The following TMC6 variants were observed in gnomAD, a reference collection of about 807,000 sequenced individuals.
TMC6 encodes the protein transmembrane channel like 6.
A neutral mutation model predicts 95.4 loss-of-function variants in TMC6; 71 were observed. The ratio of observed to expected loss-of-function variants is 0.74; its 90% CI spans 0.61 to 0.91. The LOEUF (loss-of-function observed/expected upper bound fraction) is 0.91, where lower values mean the gene tolerates loss of function less well. Among genes scored for constraint, TMC6 ranks in the 40% least tolerant of loss-of-function variants. The probability of loss-of-function intolerance (pLI) is 0.00; values close to 1 mark genes in which losing one functional copy is unlikely to be tolerated. For synonymous variants in TMC6, 514 were observed against 483.1 expected (o/e 1.06, Z -0.84); for missense variants, 1,074 against 1,079.1 (o/e 1.00, Z 0.07).
intron 18 of TMC6, among the ~76,000 whole-genome samples, chr17:78,116,547 A>G (rs941769792): frequency 3.3e-5 from 5 of 151,976 alleles, no homozygotes; most frequent in Admixed American, 2.0e-4. Flanking sequence ...CATTGGGACT[A>G]TAGGCATGAG....
Position 78,108,258 on chromosome 17 carries a change from C to G in TMC6, c.*4890G>C, listed in dbSNP as rs1025127669. 1.6e-4 allele frequency: 24 copies of G among 154,428 alleles called. No homozygotes were observed. The highest frequency in any genetic ancestry group is 4.8e-4 in the African/African-American group (20 of 41,528). 9.6% of individuals were successfully genotyped at this position (154,428 alleles called of 1,614,324 possible). On this transcript the variant is annotated 3_prime_UTR_variant, in exon 20 of 20. Transcript: ENST00000590602. Reference sequence around the variant, plus strand: ...CACCCCCGCCACAGGCTGGCCCCCCCCCACCCATGGGGAAGGTGGTGTGCT... The same window carrying G: ...CACCCCCGCCACAGGCTGGCCCCCCGCCACCCATGGGGAAGGTGGTGTGCT...
intron 3 of TMC6, 34 bp from the exon 4 acceptor site, chr17:78,126,400 G>A: frequency 6.2e-7 from 1 of 1,602,062 alleles, no homozygotes; most frequent in Non-Finnish European, 8.5e-7. Context: ...AGGGGTCCTG[G>A]AGATGCCATT....
intron 8 of TMC6, 75 bp from the exon 9 acceptor site, chr17:78,124,254 G>A: frequency 1.9e-6 from 3 of 1,574,326 alleles, no homozygotes; most frequent in Non-Finnish European, 2.6e-6. Context: ...ACAGCCACAG[G>A]GGCAGAGCAG....
At position 78,109,340 on chromosome 17, in the gene TMC6, TC is replaced by T. The variant is rs1189806723; in HGVS notation, c.*3807del. ...GAAGATCCTCTGCAGGAGTGCGGTGTCTACGGATGGACCAAGAAAACCTACG... is the reference window on the plus strand; with the variant it reads ...GAAGATCCTCTGCAGGAGTGCGGTGTTACGGATGGACCAAGAAAACCTACG... On this transcript the variant is annotated 3_prime_UTR_variant, in exon 20 of 20. Transcript: ENST00000590602. The T allele has an allele frequency of 1.2e-5, 5 of 416,300 alleles. No individual in the cohort carries two copies. Among genetic ancestry groups the T allele is most frequent in the Non-Finnish European group, 2.4e-5 (5 of 205,998 alleles). 25.8% of individuals were successfully genotyped at this position (416,300 alleles called of 1,614,324 possible).
In TMC6 at chr17:78,122,856, A is replaced by G; in HGVS notation, c.1083-107T>C. On this transcript the variant is annotated intron_variant, in intron 9 of 19. Coordinates refer to ENST00000590602, the MANE Select transcript of TMC6 (RefSeq NM_001127198.5). This position sits in a 1 kb window ranked among gnomAD's most constrained non-coding sequence, Gnocchi z 4.9. ...GGCAGCCAGACCCCACCACCCACTC[A>G]GGAGCCATCTGGGCCCTGACTGGGC... The G allele has an allele frequency of 2.0e-6, 3 of 1,508,748 alleles. No homozygotes were observed. In the South Asian group the frequency reaches 3.6e-5, roughly 18 times the overall value. The allele number at this position is 1,508,748 out of a possible 1,614,324, so 93.5% of individuals were successfully genotyped here.
At position 78,121,007 on chromosome 17, in the gene TMC6, A is replaced by G. The variant is rs763643231; in HGVS notation, c.1535+6T>C. 3.3e-5 allele frequency: 54 copies of G among 1,613,306 alleles called. 2 individuals carry two copies. The East Asian group carries it at 1.2e-3, about 35-fold the overall frequency. On this transcript the variant is annotated splice_donor_region_variant and intron_variant, in intron 12 of 19. Transcript: ENST00000590602. This position sits in a 1 kb window ranked among gnomAD's most constrained non-coding sequence, Gnocchi z 5.6. The stretch of plus-strand genomic sequence containing the variant: ...CCAAATGATGTTTTCATGTGCGGCC[A>G]CACACCTGCAGATGGCCACGTACAC...
Position 78,121,092 on chromosome 17 carries a change from C to A in TMC6, c.1456G>T (p.Ala486Ser), listed in dbSNP as rs368245596. 1.2e-6 allele frequency: 2 copies of A among 1,612,564 alleles called. No individual in the cohort carries two copies. The highest frequency in any genetic ancestry group is 1.7e-5 in the Admixed American group (1 of 59,964). The change falls in exon 12 of 20, where the codon GCC (alanine) becomes TCC (serine). Residue 486 changes from alanine to serine, a missense_variant. Ala to Ser is a moderately conservative substitution (Grantham distance 99). Coordinates refer to ENST00000590602, the MANE Select transcript of TMC6 (RefSeq NM_001127198.5). The surrounding 1 kb of genome is among the most constrained non-coding windows in gnomAD (Gnocchi z 5.6). ...GCCAGGACACGGCACAGGTAGGGGGCCCCCAGGTTGAGGAGGCCAACCACC... is the reference window on the plus strand; with the variant it reads ...GCCAGGACACGGCACAGGTAGGGGGACCCCAGGTTGAGGAGGCCAACCACC... Reference protein sequence around the residue: ...PLVVGLLNLGAPYLCRVLAAL... With the variant: ...PLVVGLLNLGSPYLCRVLAAL...
chr17:78,132,036 A>G (rs1420123712), upstream of TMC6: 5 of 1,534,260 alleles, frequency 3.3e-6, no homozygotes, highest in Non-Finnish European at 4.4e-6. Context: ...CGGGGGTAGG[A>G]CCCGCGCGAC....
At chr17:78,118,110 C>G (rs1009544588) in intron 15 of TMC6, 175 bp from the exon 16 acceptor site, 1 of 1,168,812 alleles carries the variant, frequency 8.6e-7, no homozygotes, top group African/African-American at 1.6e-5. Flanking sequence ...CGGTCACTTG[C>G]ACGCAAACGG....
intron 9 of TMC6, chr17:78,123,077 A>G: frequency 2.2e-6 from 1 of 455,800 alleles, no homozygotes; most frequent in South Asian, 2.1e-5. Context: ...CCCAATGACC[A>G]AAACATCTTC....
Position 78,119,410 on chromosome 17 carries a change from G to A in TMC6, c.1716-18C>T, listed in dbSNP as rs537049557. On this transcript the variant is annotated intron_variant, in intron 13 of 19. Transcript: ENST00000590602. ...AGATAATCCTGCCTCCGAGGACCCC[G>A]GATCGTTAGATGGGAAAGCCATGCC... 31 of 1,613,090 alleles carry A rather than the reference G, an allele frequency of 1.9e-5. No homozygotes were observed. Among genetic ancestry groups the A allele is most frequent in the African/African-American group, 9.3e-5 (7 of 74,960 alleles).
chr17:78,109,563 C>T lies in TMC6; in HGVS notation c.*3585G>A, dbSNP rs939380253. 4.4e-6 allele frequency: 2 copies of T among 456,018 alleles called. No homozygotes were observed. Among genetic ancestry groups the T allele is most frequent in the African/African-American group, 2.0e-5 (1 of 49,886 alleles). 28.2% of individuals were successfully genotyped at this position (456,018 alleles called of 1,614,324 possible). ...GGAGGATCACCTGAGCCCAGGAGGT[C>T]GAGGCTGCAGTGAGCTGTGATCGTG... On this transcript the variant is annotated 3_prime_UTR_variant, in exon 20 of 20. Coordinates refer to ENST00000590602, the MANE Select transcript of TMC6 (RefSeq NM_001127198.5).
rs1050705867 is a variant in TMC6, at chr17:78,122,441, G to A, written c.1227+164C>T. ...CCAGAGAAAAACTCAGGGCCTGCCC[G>A]TCACTGCAAGCAGAAGACCACGCCT... is the stretch of plus-strand genomic sequence containing the variant. On this transcript the variant is annotated intron_variant, in intron 10 of 19. Coordinates refer to ENST00000590602, the MANE Select transcript of TMC6 (RefSeq NM_001127198.5). This position sits in a 1 kb window ranked among gnomAD's most constrained non-coding sequence, Gnocchi z 4.9. The A allele has an allele frequency of 1.7e-5, 18 of 1,029,106 alleles. No homozygotes were observed. The highest frequency in any genetic ancestry group is 5.3e-5 in the East Asian group (2 of 37,918). The allele number at this position is 1,029,106 out of a possible 1,614,324, so 63.7% of individuals were successfully genotyped here.
At chr17:78,125,957 G>A (rs1456519201) in intron 4 of TMC6, 73 bp from the exon 5 acceptor site, 3 of 1,540,036 alleles carry the variant, frequency 1.9e-6, no homozygotes, top group Middle Eastern at 1.7e-4. Context: ...GCTCACCACA[G>A]GCCTCTGCGT....
At position 78,126,264 on chromosome 17, in the gene TMC6, G is replaced by A; in HGVS notation, c.271+13C>T. 1.3e-6 allele frequency: 2 copies of A among 1,551,152 alleles called. No homozygotes were observed. The highest frequency in any genetic ancestry group is 1.7e-6 in the Non-Finnish European group (2 of 1,150,618). Reference sequence around the variant, plus strand: ...GGGCCGGGGCCGAGGCCGAGGCTGAGGGTCCCACTCACCAATGGTGCGGCT... The same window carrying A: ...GGGCCGGGGCCGAGGCCGAGGCTGAAGGTCCCACTCACCAATGGTGCGGCT... On this transcript the variant is annotated intron_variant, in intron 4 of 19. Transcript: ENST00000590602.
chr17:78,117,806 A>T lies in TMC6; in HGVS notation c.2017T>A (p.Trp673Arg). 6.2e-7 allele frequency: 1 copy of T among 1,606,522 alleles called. No individual in the cohort carries two copies. Among genetic ancestry groups the T allele is most frequent in the Non-Finnish European group, 8.5e-7 (1 of 1,176,850 alleles). ...CCCTCCACCCGCCCCACTCACTGCC[A>T]GACGGCGTAGCAGAGGAAGACAGCG... ...GAAVFLCYAVWQVKPSSTCGP... is the reference protein window; with the variant it reads ...GAAVFLCYAVRQVKPSSTCGP... The change falls in exon 16 of 20, where the codon TGG (tryptophan) becomes AGG (arginine). Residue 673 changes from tryptophan (W) to arginine (R), a missense_variant. By Grantham distance (101) the Trp-to-Arg change is moderately radical. Transcript: ENST00000590602.
At chr17:78,117,440 C>A (rs2145067656) in intron 17 of TMC6, 28 bp downstream of exon 17, 1 of 1,610,384 alleles carries the variant, frequency 6.2e-7, no homozygotes, top group Non-Finnish European at 8.5e-7. Context: ...GCCATCTCCC[C>A]AGGGCCGCCC....
upstream of TMC6, among the ~76,000 whole-genome samples, chr17:78,130,082 G>A (rs534700859): frequency 1.2e-4 from 18 of 152,172 alleles, no homozygotes; most frequent in Non-Finnish European, 1.9e-4. Flanking sequence ...GAAGGGCTGC[G>A]GGCTTCCCAG....
At chr17:78,118,098 G>GC in intron 15 of TMC6, 163 bp from the exon 16 acceptor site, 1 of 1,294,348 alleles carries the variant, frequency 7.7e-7, no homozygotes, top group Non-Finnish European at 1.0e-6. Flanking sequence ...ACAGAAGCCT[G>GC]CCGGTCACTT....
Sources: allele counts gnomAD v4.1 joint callset (sites outside exome capture counted in the v4.1 genomes callset), GRCh38; gene constraint gnomAD v4.1.1; non-coding constraint Gnocchi (gnomAD v3.1); transcripts MANE v1.5; gene names NCBI Gene and HGNC (gene_info 2026-07-23, HGNC 2026-07-21).